The following OPCML variants were observed in gnomAD, a reference collection of about 807,000 sequenced individuals.
OPCML encodes opioid-binding protein/cell adhesion molecule.
Under a neutral mutation model 37.8 loss-of-function variants are expected in OPCML, and 13 were observed. The observed-to-expected ratio is 0.34, with a 90% CI of 0.22 to 0.55. The LOEUF (loss-of-function observed/expected upper bound fraction) is 0.55, where lower values mean the gene tolerates loss of function less well. OPCML is among the 20% of genes least tolerant of loss of function. The probability of loss-of-function intolerance (pLI) is 0.91; values close to 1 mark genes in which losing one functional copy is unlikely to be tolerated. For synonymous variants in OPCML, 176 were observed against 168.8 expected (o/e 1.04, Z -0.33); for missense variants, 341 against 435.6 (o/e 0.78, Z 1.93).
chr11:132,782,605 A>G (rs1182093486), intron 2 of OPCML, among the ~76,000 whole-genome samples: 1 of 152,070 alleles, frequency 6.6e-6, no homozygotes, highest in Non-Finnish European at 1.5e-5. Context: ...GATTCAGGAG[A>G]TATAAAATAT....
chr11:132,484,925 C>T (rs750576467), intron 4 of OPCML, among the ~76,000 whole-genome samples: 6 of 152,000 alleles, frequency 3.9e-5, no homozygotes, highest in Non-Finnish European at 8.8e-5. Context: ...TTGTGGGGTG[C>T]GAGGAGGGCA....
At chr11:132,465,726 G>A (rs1294610443) in intron 4 of OPCML, among the ~76,000 whole-genome samples, 3 of 151,846 alleles carry the variant, frequency 2.0e-5, no homozygotes, top group Admixed American at 1.3e-4. Context: ...TATAACTTCT[G>A]CACTTTGAGT....
intron 2 of OPCML, among the ~76,000 whole-genome samples, chr11:132,710,854 CAAAA>C (rs1451152208): frequency 2.0e-5 from 3 of 149,164 alleles, no homozygotes; most frequent in Non-Finnish European, 4.5e-5. Context: ...GACTCCAACT[CAAAA>C]AAGAAAGAAA....
intron 4 of OPCML, among the ~76,000 whole-genome samples, chr11:132,438,313 A>T (rs2096020041): frequency 6.6e-6 from 1 of 152,218 alleles, no homozygotes; most frequent in South Asian, 2.1e-4. Context: ...GATAAAGCCC[A>T]AGGATAAGGC....
At chr11:132,423,214 T>G (rs1171314573) in intron 7 of OPCML, among the ~76,000 whole-genome samples, 1 of 152,218 alleles carries the variant, frequency 6.6e-6, no homozygotes, top group African/African-American at 2.4e-5. Context: ...GCAGCCCCAT[T>G]TTCTATGTGG....
chr11:132,660,760 T>C (rs1591689024), intron 2 of OPCML, among the ~76,000 whole-genome samples: 1 of 152,156 alleles, frequency 6.6e-6, no homozygotes, highest in Non-Finnish European at 1.5e-5. Flanking sequence ...GCTTTGCTTC[T>C]GTGGGAGTCT....
At chr11:133,244,919 G>C (rs1175108077) in intron 1 of OPCML, among the ~76,000 whole-genome samples, 2 of 152,246 alleles carry the variant, frequency 1.3e-5, no homozygotes, top group East Asian at 1.9e-4. Flanking sequence ...AAGGTCTGAG[G>C]GGGGAGACAT....
intron 3 of OPCML, 67 bp downstream of exon 3, chr11:132,657,020 A>G: frequency 6.4e-7 from 1 of 1,572,132 alleles, no homozygotes; most frequent in Non-Finnish European, 8.6e-7. Flanking sequence ...GGTAGAACAA[A>G]CACCAACACT....
chr11:132,712,935 C>A (rs1011798459), intron 2 of OPCML, among the ~76,000 whole-genome samples: 4 of 152,352 alleles, frequency 2.6e-5, no homozygotes, highest in Admixed American at 6.5e-5. Flanking sequence ...CTGGAGCAGG[C>A]GATGCTCAGG....
chr11:132,912,388 A>G (rs904776480), intron 2 of OPCML, among the ~76,000 whole-genome samples: 9 of 152,214 alleles, frequency 5.9e-5, no homozygotes, highest in African/African-American at 1.7e-4. Flanking sequence ...TCACCAGGAT[A>G]CAATAAACCC....
In OPCML at chr11:132,753,142, C is replaced by G. The variant is rs141430632; in HGVS notation, c.147-95823G>C. ...ACAAGCCCTCCATTCACTACTCCCC[C>G]TCCCTATCTGACTTTCTGACATCAC... On this transcript the variant is annotated intron_variant, in intron 2 of 7. Coordinates refer to ENST00000524381, the MANE Select transcript of OPCML (RefSeq NM_001012393.5). Among the ~76,000 whole-genome samples the G allele has an allele frequency of 9.7e-4, 148 of 152,262 alleles. 4 individuals are homozygous for G. In the East Asian group the frequency reaches 0.025, roughly 26 times the overall value.
intron 1 of OPCML, among the ~76,000 whole-genome samples, chr11:133,252,918 C>T (rs1016199279): frequency 6.6e-5 from 10 of 152,032 alleles, no homozygotes; most frequent in Admixed American, 2.0e-4. Flanking sequence ...GAGGCCAAGG[C>T]GGGTGGATCA....
intron 2 of OPCML, among the ~76,000 whole-genome samples, chr11:132,862,656 G>C (rs977306508): frequency 3.3e-5 from 5 of 152,200 alleles, no homozygotes; most frequent in Non-Finnish European, 7.4e-5. Flanking sequence ...TGGTGGGCTG[G>C]GGAGATATTT....
At chr11:132,509,667 A>G (rs2096264666) in intron 4 of OPCML, among the ~76,000 whole-genome samples, 1 of 152,220 alleles carries the variant, frequency 6.6e-6, no homozygotes, top group African/African-American at 2.4e-5. Flanking sequence ...GGCAGCTTCC[A>G]TGTGATGTTG....
intron 1 of OPCML, among the ~76,000 whole-genome samples, chr11:133,145,612 A>G (rs1263840613): frequency 6.6e-6 from 1 of 152,234 alleles, no homozygotes; most frequent in Non-Finnish European, 1.5e-5. Context: ...TGAACACAGG[A>G]GAGGCAGGAC....
intron 1 of OPCML, chr11:133,360,107 G>A (rs1479825308): frequency 6.6e-6 from 1 of 152,190 alleles, no homozygotes; most frequent in Admixed American, 6.5e-5. Flanking sequence ...ACCGTGCTAG[G>A]AACTTAACAT....
At chr11:132,778,725 C>T (rs11223198) in intron 2 of OPCML, among the ~76,000 whole-genome samples, 32,579 of 151,954 alleles carry the variant, frequency 0.21, 4,470 homozygotes, top group Non-Finnish European at 0.32. Flanking sequence ...CATCCAGTTC[C>T]GCGAAGTCAT....
In OPCML at chr11:132,700,408, T is replaced by C. The variant is rs567235166; in HGVS notation, c.147-43089A>G. 3.3e-5 allele frequency among the ~76,000 whole-genome samples: 5 copies of C among 152,280 alleles called. No individual in the cohort carries two copies. In the East Asian group the frequency reaches 9.6e-4, roughly 29 times the overall value. ...TTATCTGAGATTTTTTTCCCTCTAA[T>C]ATAGGTGTTTGTTGCTATAATATCT... is the stretch of plus-strand genomic sequence containing the variant. On this transcript the variant is annotated intron_variant, in intron 2 of 7. Transcript: ENST00000524381.
At chr11:133,005,003 C>A in intron 1 of OPCML, 1 of 985,440 alleles carries the variant, frequency 1.0e-6, no homozygotes, top group Non-Finnish European at 1.2e-6. Context: ...TCTTACTCCT[C>A]CCATCCCTCC....
Sources: allele counts gnomAD v4.1 joint callset (sites outside exome capture counted in the v4.1 genomes callset), GRCh38; gene constraint gnomAD v4.1.1; transcripts MANE v1.5; gene names NCBI Gene and HGNC (gene_info 2026-07-23, HGNC 2026-07-21).